Variants in AHI1 observed in about 807,000 individuals in gnomAD.
AHI1 encodes the protein Abelson helper integration site 1, also known as jouberin.
A neutral mutation model predicts 149.3 loss-of-function variants in AHI1; 123 were observed. The observed-to-expected ratio is 0.82, with a 90% CI of 0.71 to 0.96. AHI1 has a LOEUF of 0.96. Ranked by LOEUF, AHI1 falls within the 40% of genes least tolerant of loss-of-function variation. AHI1 has a pLI of 0.00. For synonymous variants in AHI1, 475 were observed against 459.8 expected (o/e 1.03, Z -0.42); for missense variants, 1,439 against 1,422.7 (o/e 1.01, Z -0.18).
At position 135,411,501 on chromosome 6, in the gene AHI1, T is replaced by G. The variant is rs373772212; in HGVS notation, c.2808A>C (p.Thr936=). Residue 936 remains threonine (T), a synonymous_variant, in exon 21 of 29, where the codon ACA becomes ACC. Coordinates refer to ENST00000265602, the MANE Select transcript of AHI1 (RefSeq NM_001134831.2). ...EAEMFKRYNG[T]FPLPGIHQSQ... is the part of the protein sequence containing the mutation. ...TTTGGTGTATTCCAGGTAATGGAAA[T>G]GTTCCATTGTAGCGTTTGAACATTT... 6.2e-7 allele frequency: 1 copy of G among 1,610,196 alleles called. No individual in the cohort carries two copies. The highest frequency in any genetic ancestry group is 8.5e-7 in the Non-Finnish European group (1 of 1,177,998).
chr6:135,441,998 G>A (rs1446275243), intron 14 of AHI1, among the ~76,000 whole-genome samples: 1 of 152,098 alleles, frequency 6.6e-6, no homozygotes, highest in Non-Finnish European at 1.5e-5. Flanking sequence ...CTTCTGCAGA[G>A]GAGAGCTGGT....
At chr6:135,330,696 C>T (rs565141983) in intron 24 of AHI1, among the ~76,000 whole-genome samples, 2 of 152,274 alleles carry the variant, frequency 1.3e-5, no homozygotes, top group Admixed American at 6.5e-5. Context: ...GTCCACATGC[C>T]GGCAGCCGAA....
intron 7 of AHI1, 140 bp from the exon 8 acceptor site, chr6:135,463,446 T>C: frequency 1.5e-6 from 1 of 666,012 alleles, no homozygotes; most frequent in Non-Finnish European, 2.3e-6. Context: ...GATGCATGTA[T>C]TTTCTTATAC....
chr6:135,413,009 C>T (rs1781825920), intron 20 of AHI1, among the ~76,000 whole-genome samples: 1 of 152,108 alleles, frequency 6.6e-6, no homozygotes, highest in Admixed American at 6.6e-5. Context: ...GATTTTGTAA[C>T]ATGAACATTT....
chr6:135,388,690 T>C (rs1777971336), intron 23 of AHI1, among the ~76,000 whole-genome samples: 2 of 152,058 alleles, frequency 1.3e-5, no homozygotes, highest in Admixed American at 1.3e-4. Flanking sequence ...AGTATATACT[T>C]TCAAAGACAC....
chr6:135,459,610 G>T (rs1789538438), intron 8 of AHI1, among the ~76,000 whole-genome samples: 1 of 151,896 alleles, frequency 6.6e-6, no homozygotes, highest in Admixed American at 6.6e-5. Flanking sequence ...TCAAGAAATT[G>T]AGAGAAAACA....
At chr6:135,462,374 T>C (rs13202275) in intron 8 of AHI1, among the ~76,000 whole-genome samples, 2 of 149,890 alleles carry the variant, frequency 1.3e-5, no homozygotes, top group Non-Finnish European at 3.0e-5. Flanking sequence ...AAGAGAAAAG[T>C]TGAGAAAGGA....
At chr6:135,397,626 C>T (rs887669635) in intron 22 of AHI1, among the ~76,000 whole-genome samples, 4 of 151,900 alleles carry the variant, frequency 2.6e-5, no homozygotes, top group East Asian at 1.9e-4. Context: ...ATTCTCTAGA[C>T]GGGGGTTAAT....
rs1468753761 is a variant in AHI1 at position 135,466,091 on chromosome 6, G to T, written c.472C>A (p.His158Asn). The T allele has an allele frequency of 6.2e-7, 1 of 1,613,882 alleles. No homozygotes were observed. The highest frequency in any genetic ancestry group is 1.1e-5 in the South Asian group (1 of 91,070). Residue 158 changes from histidine to asparagine, a missense_variant, in exon 7 of 29, where the codon CAT becomes AAT. Transcript: ENST00000265602. ...TCAACGCCTGGCTGTGGCTTTGTAT[G>T]TGTTTTCTGGTGTGTAGAATCAACC... ...NKVDSTHQKT[H>N]TKPQPGVDHQ...
intron 23 of AHI1, among the ~76,000 whole-genome samples, chr6:135,390,195 G>A (rs1259169712): frequency 6.6e-6 from 1 of 151,994 alleles, no homozygotes; most frequent in Non-Finnish European, 1.5e-5. Context: ...AAATAACATA[G>A]AATAAAACTT....
intron 23 of AHI1, among the ~76,000 whole-genome samples, chr6:135,390,853 C>G (rs1167490860): frequency 2.0e-5 from 3 of 152,140 alleles, no homozygotes; most frequent in African/African-American, 7.2e-5. Flanking sequence ...AATTTTCATA[C>G]AAATGCAAGT....
At chr6:135,293,164 CA>C (rs1284547573) in intron 27 of AHI1, among the ~76,000 whole-genome samples, 1 of 151,786 alleles carries the variant, frequency 6.6e-6, no homozygotes, top group Admixed American at 6.6e-5. Flanking sequence ...TTAACTAATG[CA>C]AAAACATGTT....
intron 26 of AHI1, among the ~76,000 whole-genome samples, chr6:135,308,748 G>A (rs910809042): frequency 6.6e-6 from 1 of 152,204 alleles, no homozygotes; most frequent in African/African-American, 2.4e-5. Flanking sequence ...AGGTTATTCT[G>A]TGAAACTTTT....
intron 20 of AHI1, among the ~76,000 whole-genome samples, chr6:135,414,101 C>A (rs1781998038): frequency 6.6e-6 from 1 of 152,148 alleles, no homozygotes; most frequent in Admixed American, 6.5e-5. Flanking sequence ...GTAATCCACA[C>A]AGTTTGCTAC....
rs777121143 is a variant in AHI1, at chr6:135,286,493, G to A, written c.3589-846C>T. 5.3e-5 allele frequency: 8 copies of A among 152,328 alleles called. No individual in the cohort carries two copies. In the East Asian group the frequency reaches 7.7e-4, roughly 15 times the overall value. 9.4% of individuals were successfully genotyped at this position (152,328 alleles called of 1,614,324 possible). On this transcript the variant is annotated intron_variant, in intron 28 of 28. Transcript: ENST00000265602. ...CAGTTTCAGAACGATGGCAAATCTG[G>A]TTAAGGTAGCAGTCAACTCCATCGA...
At chr6:135,472,598 G>A (rs920330484) in intron 5 of AHI1, among the ~76,000 whole-genome samples, 1 of 152,088 alleles carries the variant, frequency 6.6e-6, no homozygotes, top group Non-Finnish European at 1.5e-5. Flanking sequence ...GTACTATTTC[G>A]CATTTTTATC....
rs778088464 is a variant in AHI1, at chr6:135,411,542, C to T, written c.2767G>A (p.Ala923Thr). The T allele has an allele frequency of 4.5e-6, 7 of 1,563,024 alleles. No individual in the cohort carries two copies. Among genetic ancestry groups the T allele is most frequent in the Non-Finnish European group, 6.1e-6 (7 of 1,153,950 alleles). Reference sequence around the variant, plus strand: ...TTGAACATTTCAGCCTCCTGCTGGGCAACTGAAGAAATGAATCCATAATTA... The same window carrying T: ...TTGAACATTTCAGCCTCCTGCTGGGTAACTGAAGAAATGAATCCATAATTA... ...ILLYIYDFHV[A>T]QQEAEMFKRY... The change falls in exon 21 of 29, where the codon GCC (alanine) becomes ACC (threonine). Residue 923 changes from alanine to threonine, a missense_variant and splice_region_variant. Ala to Thr is a moderately conservative substitution (Grantham distance 58). Transcript: ENST00000265602.
Position 135,463,229 on chromosome 6 carries a change from G to C in AHI1, c.827C>G (p.Ser276Cys), listed in dbSNP as rs190854744. The C allele has an allele frequency of 1.9e-4, 308 of 1,609,490 alleles. No homozygotes were observed. Among genetic ancestry groups the C allele is most frequent in the Admixed American group, 8.2e-4 (49 of 59,706 alleles). Residue 276 changes from serine (S) to cysteine (C), a missense_variant, in exon 8 of 29, where the codon TCT (serine) becomes TGT (cysteine). Physicochemically the swap from Ser to Cys is moderately radical, Grantham distance 112 (BLOSUM62 -1). Coordinates refer to ENST00000265602, the MANE Select transcript of AHI1 (RefSeq NM_001134831.2). ...ESSVRSVSSDSHQDDEISSME... is the reference protein window; with the variant it reads ...ESSVRSVSSDCHQDDEISSME... Reference sequence around the variant, plus strand: ...TGAGCTTATTTCATCATCTTGATGAGAATCTGAAGAAACTGATCTAACTGA... The same window carrying C: ...TGAGCTTATTTCATCATCTTGATGACAATCTGAAGAAACTGATCTAACTGA...
chr6:135,347,933 T>C (rs530184285), intron 24 of AHI1, among the ~76,000 whole-genome samples: 7 of 152,352 alleles, frequency 4.6e-5, no homozygotes, highest in African/African-American at 1.7e-4. Context: ...TTATGAAGTT[T>C]GATTTAAACT....
Sources: gnomAD v4.1 joint callset for allele counts (sites outside exome capture counted in the v4.1 genomes callset) on GRCh38, gnomAD v4.1.1 for gene constraint, MANE v1.5 for transcripts, NCBI Gene and HGNC (gene_info 2026-07-23, HGNC 2026-07-21) for gene names.